FRZB: variants seen among roughly 807,000 people sequenced by gnomAD.
FRZB encodes the protein frizzled related protein.
A neutral mutation model predicts 32.5 loss-of-function variants in FRZB; 34 were observed. That is an observed-to-expected ratio of 1.05 (90% confidence interval 0.80 to 1.39). The LOEUF (loss-of-function observed/expected upper bound fraction) is 1.39. Ranked by LOEUF, FRZB falls within the 40% of genes most tolerant of loss-of-function variation. The probability of loss-of-function intolerance (pLI) is 0.00; values close to 1 mark genes in which losing one functional copy is unlikely to be tolerated. For missense variants in FRZB, 423 were observed against 424.8 expected (o/e 1.00, Z 0.04); for synonymous variants, 170 against 159.2 (o/e 1.07, Z -0.51).
chr2:182,866,173 C>A lies in FRZB; in HGVS notation c.380G>T (p.Arg127Leu). Residue 127 changes from arginine (R) to leucine (L), a missense_variant, in exon 1 of 6, where the codon CGC (arginine) becomes CTC (leucine). Transcript: ENST00000295113. The surrounding 1 kb of genome is among the most constrained non-coding windows in gnomAD (Gnocchi z 4.5). ...GGCCAGGTTCTCCGGCCACGAGTGGCGGTACTTGATGAGTATGGGCTCACA... is the reference window on the plus strand; with the variant it reads ...GGCCAGGTTCTCCGGCCACGAGTGGAGGTACTTGATGAGTATGGGCTCACA... ...QGCEPILIKY[R>L]HSWPENLACE... The A allele has an allele frequency of 3.1e-6, 5 of 1,614,072 alleles. No homozygotes were observed. Among genetic ancestry groups the A allele is most frequent in the South Asian group, 1.1e-5 (1 of 91,066 alleles).
intron 3 of FRZB, among the ~76,000 whole-genome samples, chr2:182,840,387 T>C (rs966836399): frequency 1.3e-5 from 2 of 152,076 alleles, no homozygotes; most frequent in Non-Finnish European, 2.9e-5. Context: ...TTACCCAGTG[T>C]CTACTATTTT....
intron 1 of FRZB, among the ~76,000 whole-genome samples, chr2:182,860,867 A>G (rs1418725820): frequency 2.0e-5 from 3 of 150,354 alleles, no homozygotes; most frequent in South Asian, 4.2e-4. Context: ...ACTGTCTCAA[A>G]AAAAAAAAAA....
At chr2:182,836,125 A>G (rs939987571) in intron 5 of FRZB, among the ~76,000 whole-genome samples, 6 of 152,112 alleles carry the variant, frequency 3.9e-5, no homozygotes, top group African/African-American at 1.2e-4. Flanking sequence ...CTGATTCTCA[A>G]CTTCCCAAGG....
intron 3 of FRZB, among the ~76,000 whole-genome samples, chr2:182,839,673 A>G (rs1695565533): frequency 6.6e-6 from 1 of 152,080 alleles, no homozygotes; most frequent in South Asian, 2.1e-4. Flanking sequence ...TCCTGCTTCT[A>G]GTAAATGAGC....
Position 182,866,133 on chromosome 2 carries a change from T to G in FRZB, c.420A>C (p.Pro140=). 1 of 1,614,062 alleles carries G rather than the reference T, an allele frequency of 6.2e-7. No homozygotes were observed. Among genetic ancestry groups the G allele is most frequent in the Non-Finnish European group, 8.5e-7 (1 of 1,179,990 alleles). ...WPENLACEEL[P]VYDRGVCISP... ...AGATGCACACGCCCCTGTCGTACAC[T>G]GGCAGCTCCTCGCAGGCCAGGTTCT... is the stretch of plus-strand genomic sequence containing the variant. Residue 140 remains proline (P), a synonymous_variant, in exon 1 of 6, where the codon CCA becomes CCC. Transcript: ENST00000295113. This position sits in a 1 kb window ranked among gnomAD's most constrained non-coding sequence, Gnocchi z 4.5.
rs577802132 is a variant in FRZB at position 182,858,855 on chromosome 2, A to C, written c.479-22T>G. The C allele has an allele frequency of 3.2e-6, 5 of 1,585,446 alleles. No individual in the cohort carries two copies. In the South Asian group the frequency reaches 3.3e-5, roughly 11 times the overall value. On this transcript the variant is annotated intron_variant, in intron 1 of 5. Coordinates refer to ENST00000295113, the MANE Select transcript of FRZB (RefSeq NM_001463.4). ...AAATCTGAAAGGAGGTGACAGAAAA[A>C]AGAACTATAACATATCTATTTCAAG...
rs1463946460 is a variant in FRZB at position 182,833,312 on chromosome 2, A to G, written c.*1537T>C. On this transcript the variant is annotated 3_prime_UTR_variant, in exon 6 of 6. Coordinates refer to ENST00000295113, the MANE Select transcript of FRZB (RefSeq NM_001463.4). ...AAGCATTTTATTTTCAGCACGCCACAGCTTAGAAATTTGGTTCTACTAATA... is the reference window on the plus strand; with the variant it reads ...AAGCATTTTATTTTCAGCACGCCACGGCTTAGAAATTTGGTTCTACTAATA... The G allele has an allele frequency of 6.6e-6, 1 of 152,206 alleles. No homozygotes were observed. The highest frequency in any genetic ancestry group is 6.5e-5 in the Admixed American group (1 of 15,276). 9.4% of individuals were successfully genotyped at this position (152,206 alleles called of 1,614,324 possible). A position where few individuals can be genotyped will look rare whatever the true frequency, so the allele number is the denominator to read the frequency against.
rs527292691 is a variant in FRZB at position 182,851,213 on chromosome 2, G to C, written c.526+7573C>G. On this transcript the variant is annotated intron_variant, in intron 2 of 5. Coordinates refer to ENST00000295113, the MANE Select transcript of FRZB (RefSeq NM_001463.4). Reference sequence around the variant, plus strand: ...TGATTGTTTCCTTTGATGTGCAGAAGCTTTTTGGCAGGACAAATCATTACA... The same window carrying C: ...TGATTGTTTCCTTTGATGTGCAGAACCTTTTTGGCAGGACAAATCATTACA... Among the ~76,000 whole-genome samples, 101 of 152,284 alleles carry C rather than the reference G, an allele frequency of 6.6e-4. 1 individual carries two copies. The South Asian group carries it at 9.9e-3, about 15-fold the overall frequency.
chr2:182,860,894 C>T (rs1304862811), intron 1 of FRZB, among the ~76,000 whole-genome samples: 1 of 151,362 alleles, frequency 6.6e-6, no homozygotes, highest in Non-Finnish European at 1.5e-5. Flanking sequence ...GACTGCCTCC[C>T]AGGCCTGGAC....
intron 5 of FRZB, 51 bp downstream of exon 5, chr2:182,837,897 A>G: frequency 7.1e-7 from 1 of 1,414,708 alleles, no homozygotes; most frequent in East Asian, 2.3e-5. Context: ...CTGGTTTTCT[A>G]CTTTTGTTTT....
At chr2:182,843,434 TG>T (rs1269064933) in intron 2 of FRZB, among the ~76,000 whole-genome samples, 1 of 152,170 alleles carries the variant, frequency 6.6e-6, no homozygotes, top group Non-Finnish European at 1.5e-5. Context: ...CAGGAATTAA[TG>T]TCAATATAAA....
At chr2:182,859,999 T>A (rs1252392277) in intron 1 of FRZB, among the ~76,000 whole-genome samples, 1 of 152,178 alleles carries the variant, frequency 6.6e-6, no homozygotes, top group East Asian at 1.9e-4. Flanking sequence ...TGTGATAAAC[T>A]ACATACAAAA....
At chr2:182,842,688 T>G (rs895585794) in intron 2 of FRZB, 145 bp from the exon 3 acceptor site, 1 of 606,972 alleles carries the variant, frequency 1.6e-6, no homozygotes, top group African/African-American at 1.9e-5. Flanking sequence ...TTTTTTCTCC[T>G]GGAACTACAT....
At chr2:182,838,838 G>GGAAAGAGAGCAGCCACA (rs1695556388) in intron 3 of FRZB, among the ~76,000 whole-genome samples, 1 of 152,022 alleles carries the variant, frequency 6.6e-6, no homozygotes, top group Admixed American at 6.6e-5. Context: ...ATTTGTGGCT[G>GGAAAGAGAGCAGCCACA]TGTATATATT....
intron 2 of FRZB, among the ~76,000 whole-genome samples, chr2:182,857,106 A>G (rs1695778418): frequency 6.6e-6 from 1 of 152,222 alleles, no homozygotes; most frequent in South Asian, 2.1e-4. Flanking sequence ...CACACAAAGT[A>G]TATTCTTCAA....
intron 2 of FRZB, among the ~76,000 whole-genome samples, chr2:182,856,830 A>C (rs1330991986): frequency 6.6e-6 from 1 of 152,148 alleles, no homozygotes; most frequent in Non-Finnish European, 1.5e-5. Flanking sequence ...AAACTGACAG[A>C]CTGAAAAAAG....
chr2:182,840,713 G>A (rs1278213682), intron 3 of FRZB, among the ~76,000 whole-genome samples: 1 of 151,972 alleles, frequency 6.6e-6, no homozygotes, highest in East Asian at 1.9e-4. Context: ...GATCAACTTA[G>A]CTATTACTTG....
chr2:182,858,792 T>C lies in FRZB; in HGVS notation c.520A>G (p.Ser174Gly). Residue 174 changes from serine to glycine, a missense_variant, in exon 2 of 6, where the codon AGC (serine) becomes GGC (glycine). By Grantham distance (56) the Ser-to-Gly change is moderately conservative (BLOSUM62 0). Coordinates refer to ENST00000295113, the MANE Select transcript of FRZB (RefSeq NM_001463.4). ...AAGATAATGATATACTCACCACTGC[T>C]TGCCCCTCTACAGTTTCCGTTACTA... ...DSSNGNCRGA[S>G]SERCKCKPIR... 6.2e-7 allele frequency: 1 copy of C among 1,610,296 alleles called. No individual in the cohort carries two copies.
chr2:182,850,426 AT>A (rs1695697648), intron 2 of FRZB, among the ~76,000 whole-genome samples: 1 of 152,132 alleles, frequency 6.6e-6, no homozygotes, highest in Admixed American at 6.5e-5. Context: ...CTCCAGCTCC[AT>A]GAGATTCACT....
Sources: gnomAD v4.1 joint callset for allele counts (sites outside exome capture counted in the v4.1 genomes callset) on GRCh38, gnomAD v4.1.1 for gene constraint, Gnocchi (gnomAD v3.1) non-coding constraint, MANE v1.5 for transcripts, NCBI Gene and HGNC (gene_info 2026-07-23, HGNC 2026-07-21) for gene names.